Variants in MYCBP2 observed in about 807,000 individuals in gnomAD.
MYCBP2 encodes the protein E3 ubiquitin-protein ligase MYCBP2.
In MYCBP2, 120 loss-of-function variants were observed where a neutral mutation model predicts 525.3. The ratio of observed to expected loss-of-function variants is 0.23; its 90% confidence interval spans 0.20 to 0.27. The LOEUF (loss-of-function observed/expected upper bound fraction) is 0.27, where lower values mean the gene tolerates loss of function less well. MYCBP2 is among the 10% of genes least tolerant of loss of function. The probability of loss-of-function intolerance (pLI) is 1.00; values close to 1 mark genes in which losing one functional copy is unlikely to be tolerated. For missense variants in MYCBP2, 4,149 were observed against 5,657.1 expected (o/e 0.73, Z 8.55); for synonymous variants, 1,894 against 1,955.8 (o/e 0.97, Z 0.83).
intron 52 of MYCBP2, among the ~76,000 whole-genome samples, chr13:77,128,104 T>C (rs2052021340): frequency 6.6e-6 from 1 of 151,846 alleles, no homozygotes; most frequent in Admixed American, 6.6e-5. Context: ...TATATATTTG[T>C]AAGAATTTAT....
intron 34 of MYCBP2, among the ~76,000 whole-genome samples, chr13:77,178,581 GAATT>G (rs2059933404): frequency 1.3e-5 from 2 of 152,220 alleles, no homozygotes; most frequent in Admixed American, 1.3e-4. Flanking sequence ...TCACTAGAGA[GAATT>G]AGAGAACTTA....
At position 77,097,756 on chromosome 13, in the gene MYCBP2, C is replaced by T. The variant is rs139220239; in HGVS notation, c.9398G>A (p.Cys3133Tyr). 2.5e-6 allele frequency: 4 copies of T among 1,613,634 alleles called. No homozygotes were observed. The highest frequency in any genetic ancestry group is 1.1e-5 in the South Asian group (1 of 91,046). The change falls in exon 56 of 83, where the codon TGT becomes TAT. Residue 3133 changes from cysteine (C) to tyrosine (Y), a missense_variant. By Grantham distance (194) the Cys-to-Tyr change is radical. Transcript: ENST00000544440. ...MLKEPPLHEK[C>Y]EDGKTETTFE... ...AGTGGTCTCGGTTTTCCCATCCTCA[C>T]ATTTTTCATGCAGAGGTGGTTCCTT...
At chr13:77,084,566 C>G (rs2043889420) in intron 62 of MYCBP2, among the ~76,000 whole-genome samples, 1 of 152,026 alleles carries the variant, frequency 6.6e-6, no homozygotes, top group South Asian at 2.1e-4. Flanking sequence ...TCAGTTTTGC[C>G]CTTGATTTTA....
At position 77,058,532 on chromosome 13, in the gene MYCBP2, A is replaced by C. The variant is rs2038620079; in HGVS notation, c.13141-126T>G. 2.9e-6 allele frequency: 2 copies of C among 684,414 alleles called. No individual in the cohort carries two copies. The highest frequency in any genetic ancestry group is 3.3e-5 in the East Asian group (1 of 30,530). The allele number at this position is 684,414 out of a possible 1,614,324, so 42.4% of individuals were successfully genotyped here. A position where few individuals can be genotyped will look rare whatever the true frequency, so the allele number is the denominator to read the frequency against. ...GAAGTATCTATGCAGGCCAAGTAAC[A>C]ACAAAGTAAAGTTATTTCTAATCTT... On this transcript the variant is annotated intron_variant, in intron 77 of 82. Transcript: ENST00000544440. The surrounding 1 kb of genome is among the most constrained non-coding windows in gnomAD (Gnocchi z 4.1).
At chr13:77,175,080 C>T (rs1032703211) in intron 36 of MYCBP2, among the ~76,000 whole-genome samples, 21 of 147,172 alleles carry the variant, frequency 1.4e-4, no homozygotes, top group African/African-American at 4.9e-4. Flanking sequence ...CGGTGTGTTC[C>T]ATCACACTCA....
intron 26 of MYCBP2, among the ~76,000 whole-genome samples, chr13:77,194,523 C>CA (rs1404541714): frequency 1.3e-5 from 2 of 151,834 alleles, no homozygotes; most frequent in Non-Finnish European, 2.9e-5. Flanking sequence ...AGTTTTGTAC[C>CA]TAATATGTGC....
chr13:77,078,765 C>A, intron 66 of MYCBP2, 59 bp downstream of exon 66: 1 of 1,380,054 alleles, frequency 7.2e-7, no homozygotes, highest in Non-Finnish European at 1.0e-6. Flanking sequence ...ATAGTGAAGG[C>A]TGAGAAGAAG....
intron 1 of MYCBP2, among the ~76,000 whole-genome samples, chr13:77,299,257 T>C (rs2078517114): frequency 6.6e-6 from 1 of 152,188 alleles, no homozygotes; most frequent in Non-Finnish European, 1.5e-5. Flanking sequence ...GTCTGTTTTA[T>C]CTAATGGAAC....
intron 80 of MYCBP2, among the ~76,000 whole-genome samples, chr13:77,054,259 G>A (rs1003720141): frequency 2.0e-5 from 3 of 152,186 alleles, no homozygotes; most frequent in Non-Finnish European, 4.4e-5. Flanking sequence ...AGCAGACAGG[G>A]CTGAGTTTGG....
At chr13:77,126,574 A>G in intron 52 of MYCBP2, 32 bp from the exon 53 acceptor site, 3 of 1,537,062 alleles carry the variant, frequency 2.0e-6, no homozygotes, top group Non-Finnish European at 2.7e-6. Flanking sequence ...AAAAATAAAC[A>G]AAATACAATC....
intron 17 of MYCBP2, among the ~76,000 whole-genome samples, chr13:77,237,820 T>C (rs2068156976): frequency 6.6e-6 from 1 of 152,204 alleles, no homozygotes; most frequent in Non-Finnish European, 1.5e-5. Flanking sequence ...TTTTCTTACT[T>C]ATACTCTCTA....
intron 52 of MYCBP2, among the ~76,000 whole-genome samples, chr13:77,132,264 T>C (rs1187193148): frequency 1.3e-5 from 2 of 152,152 alleles, no homozygotes; most frequent in East Asian, 3.9e-4. Context: ...TGGGGTATGT[T>C]AAAGCTGTGA....
At chr13:77,066,978 A>G (rs1389684101) in intron 71 of MYCBP2, among the ~76,000 whole-genome samples, 1 of 152,182 alleles carries the variant, frequency 6.6e-6, no homozygotes, top group Non-Finnish European at 1.5e-5. Context: ...TATTATGCTA[A>G]CAAGTCATTG....
chr13:77,178,573 A>C (rs987583688), intron 34 of MYCBP2, among the ~76,000 whole-genome samples: 4 of 152,266 alleles, frequency 2.6e-5, no homozygotes, highest in African/African-American at 4.8e-5. Flanking sequence ...ATAGACTTTC[A>C]CTAGAGAGAA....
intron 1 of MYCBP2, among the ~76,000 whole-genome samples, chr13:77,304,151 C>G (rs184377314): frequency 6.6e-6 from 1 of 152,016 alleles, no homozygotes; most frequent in African/African-American, 2.4e-5. Flanking sequence ...GAAAAAAATC[C>G]GTATGTTGAA....
At chr13:77,166,281 T>C in intron 41 of MYCBP2, 48 bp downstream of exon 41, 1 of 1,316,378 alleles carries the variant, frequency 7.6e-7, no homozygotes. Context: ...TAAATATACA[T>C]AAATGCACTT....
chr13:77,307,293 T>C (rs2079563140), intron 1 of MYCBP2, among the ~76,000 whole-genome samples: 1 of 152,116 alleles, frequency 6.6e-6, no homozygotes, highest in South Asian at 2.1e-4. Flanking sequence ...CCTCTCTTTG[T>C]TTACCCTTTA....
rs2061317363 is a variant in MYCBP2, at chr13:77,191,766, C to G, written c.3983G>C (p.Gly1328Ala). 1.2e-6 allele frequency: 2 copies of G among 1,613,972 alleles called. No homozygotes were observed. The highest frequency in any genetic ancestry group is 8.5e-7 in the Non-Finnish European group (1 of 1,179,998). The change falls in exon 28 of 83, where the codon GGG becomes GCG. Residue 1328 changes from glycine to alanine, a missense_variant. Coordinates refer to ENST00000544440, the MANE Select transcript of MYCBP2 (RefSeq NM_015057.5). ...TCGGGCCCATGCCACATACCACCAC[C>G]CAGCTTGCAGGAGAACAGGCTCATC... ...MFDEPVLLQAGWWYVAWARVS... is the reference protein window; with the variant it reads ...MFDEPVLLQAAWWYVAWARVS...
At chr13:77,168,760 C>T (rs1249070196) in intron 39 of MYCBP2, 114 bp from the exon 40 acceptor site, 3 of 919,968 alleles carry the variant, frequency 3.3e-6, no homozygotes, top group Non-Finnish European at 4.9e-6. Context: ...AAATTTTCCA[C>T]TAGTTAAGTT....
Sources: allele counts gnomAD v4.1 joint callset (sites outside exome capture counted in the v4.1 genomes callset), GRCh38; gene constraint gnomAD v4.1.1; non-coding constraint Gnocchi (gnomAD v3.1); transcripts MANE v1.5; gene names NCBI Gene and HGNC (gene_info 2026-07-23, HGNC 2026-07-21).